Variants in FAT3 observed in about 807,000 individuals in gnomAD.
The protein encoded by FAT3 is protocadherin Fat 3.
In FAT3, 95 loss-of-function variants were observed where a neutral mutation model predicts 310.2. The ratio of observed to expected loss-of-function variants is 0.31; its 90% CI spans 0.26 to 0.36. The LOEUF (loss-of-function observed/expected upper bound fraction) is 0.36, where lower values mean the gene tolerates loss of function less well. FAT3 is among the 10% of genes least tolerant of loss of function. The pLI, the probability that FAT3 is intolerant of heterozygous loss-of-function variation, is 1.00. For synonymous variants in FAT3, 2,314 were observed against 2,192.9 expected (o/e 1.06, Z -1.54); for missense variants, 5,408 against 5,715.6 (o/e 0.95, Z 1.74).
chr11:92,435,468 A>T (rs992966649), intron 2 of FAT3, among the ~76,000 whole-genome samples: 2 of 107,986 alleles, frequency 1.9e-5, no homozygotes, highest in Non-Finnish European at 4.0e-5. Flanking sequence ...TCTTTTATTT[A>T]TCCTTCCTTC....
At chr11:92,614,333 G>T (rs1461358694) in intron 3 of FAT3, among the ~76,000 whole-genome samples, 1 of 152,164 alleles carries the variant, frequency 6.6e-6, no homozygotes, top group Non-Finnish European at 1.5e-5. Context: ...AGACTATTTT[G>T]CAAAGGTGCT....
In FAT3 at chr11:92,800,359, G is replaced by A; in HGVS notation, c.7346G>A (p.Gly2449Glu). 6.2e-7 allele frequency: 1 copy of A among 1,613,980 alleles called. No individual in the cohort carries two copies. Among genetic ancestry groups the A allele is most frequent in the Non-Finnish European group, 8.5e-7 (1 of 1,179,882 alleles). The change falls in exon 10 of 28, where the codon GGA becomes GAA. Residue 2449 changes from glycine (G) to glutamate (E), a missense_variant. By Grantham distance (98) the Gly-to-Glu change is moderately conservative. Coordinates refer to ENST00000525166, the MANE Select transcript of FAT3 (RefSeq NM_001367949.2). ...AGCTTTCTGATGGACAGCAAGAGTG[G>A]AGTTATCACATTGTCCAACCATCGG... ...RTSFLMDSKS[G>E]VITLSNHRKQ...
At chr11:92,469,349 A>G (rs1365940635) in intron 2 of FAT3, among the ~76,000 whole-genome samples, 2 of 152,206 alleles carry the variant, frequency 1.3e-5, no homozygotes, top group East Asian at 3.8e-4. Context: ...GGGCTGATTT[A>G]TAAGCTGATT....
intron 2 of FAT3, among the ~76,000 whole-genome samples, chr11:92,374,893 T>G (rs1363166112): frequency 6.6e-6 from 1 of 152,086 alleles, no homozygotes; most frequent in African/African-American, 2.4e-5. Context: ...GACTTAAAAT[T>G]GAACTGAAGA....
At chr11:92,376,924 T>C (rs1299326768) in intron 2 of FAT3, among the ~76,000 whole-genome samples, 1 of 152,210 alleles carries the variant, frequency 6.6e-6, no homozygotes, top group Admixed American at 6.5e-5. Flanking sequence ...GGTGAAAATT[T>C]CTTTTTATTT....
At chr11:92,775,853 A>G (rs1416608677) in intron 7 of FAT3, among the ~76,000 whole-genome samples, 1 of 152,186 alleles carries the variant, frequency 6.6e-6, no homozygotes, top group Non-Finnish European at 1.5e-5. Flanking sequence ...GATAAATTAT[A>G]TGGTCACCCT....
chr11:92,600,152 T>C (rs915676147), intron 3 of FAT3, among the ~76,000 whole-genome samples: 1 of 152,230 alleles, frequency 6.6e-6, no homozygotes, highest in Non-Finnish European at 1.5e-5. Flanking sequence ...TTCTTAGTTA[T>C]CACTTACTGT....
intron 3 of FAT3, among the ~76,000 whole-genome samples, chr11:92,626,770 G>C (rs946273721): frequency 6.6e-6 from 1 of 152,166 alleles, no homozygotes; most frequent in African/African-American, 2.4e-5. Flanking sequence ...TGAGATGGCT[G>C]TCACAGGGCT....
intron 2 of FAT3, among the ~76,000 whole-genome samples, chr11:92,435,872 G>A (rs529943905): frequency 9.2e-4 from 139 of 151,658 alleles, no homozygotes; most frequent in Non-Finnish European, 1.4e-3. Flanking sequence ...CAGCCTCTTC[G>A]CATTTTCATT....
intron 4 of FAT3, among the ~76,000 whole-genome samples, chr11:92,748,279 TACTC>T (rs1216876766): frequency 2.0e-5 from 3 of 152,050 alleles, no homozygotes; most frequent in African/African-American, 7.2e-5. Context: ...CCATAAGACT[TACTC>T]ACTACCAGGA....
intron 3 of FAT3, among the ~76,000 whole-genome samples, chr11:92,696,022 TA>T (rs1393515321): frequency 1.3e-5 from 2 of 152,294 alleles, no homozygotes; most frequent in South Asian, 2.1e-4. Flanking sequence ...AAAAAAATGA[TA>T]AGTATTGTAG....
chr11:92,821,002 G>C (rs1056318929), intron 13 of FAT3, among the ~76,000 whole-genome samples: 1 of 152,218 alleles, frequency 6.6e-6, no homozygotes, highest in Non-Finnish European at 1.5e-5. Context: ...GTGCATCTGT[G>C]TTGGGAGCAC....
chr11:92,372,614 A>G (rs1344546699), intron 2 of FAT3, among the ~76,000 whole-genome samples: 2 of 152,102 alleles, frequency 1.3e-5, no homozygotes, highest in East Asian at 3.9e-4. Context: ...TAGAACTACA[A>G]AGAGGAAAAG....
intron 24 of FAT3, 25 bp from the exon 25 acceptor site, chr11:92,886,975 G>C: frequency 6.4e-7 from 1 of 1,557,850 alleles, no homozygotes; most frequent in East Asian, 2.3e-5. Flanking sequence ...TGTAATTTCT[G>C]CTTTCTCTTT....
At chr11:92,579,028 A>T (rs964398724) in intron 3 of FAT3, among the ~76,000 whole-genome samples, 3 of 152,146 alleles carry the variant, frequency 2.0e-5, no homozygotes, top group Admixed American at 1.3e-4. Flanking sequence ...AAGACAGTTC[A>T]TTATGAAAAA....
intron 2 of FAT3, among the ~76,000 whole-genome samples, chr11:92,364,199 C>T (rs1278690405): frequency 2.0e-5 from 3 of 152,110 alleles, no homozygotes; most frequent in African/African-American, 7.2e-5. Context: ...ATGCAATCTT[C>T]CTTTTATATT....
At chr11:92,734,963 G>A (rs1052619434) in intron 4 of FAT3, among the ~76,000 whole-genome samples, 4 of 152,112 alleles carry the variant, frequency 2.6e-5, no homozygotes, top group Non-Finnish European at 2.9e-5. Context: ...CTGAACTAAG[G>A]TAGGGGATGG....
intron 11 of FAT3, among the ~76,000 whole-genome samples, chr11:92,805,707 A>T (rs1287441778): frequency 6.6e-6 from 1 of 152,232 alleles, no homozygotes; most frequent in Non-Finnish European, 1.5e-5. Flanking sequence ...TAACTTGTTT[A>T]TATAAGTTTA....
At chr11:92,438,914 AG>A (rs984135905) in intron 2 of FAT3, among the ~76,000 whole-genome samples, 14 of 152,202 alleles carry the variant, frequency 9.2e-5, no homozygotes, top group Admixed American at 5.2e-4. Flanking sequence ...GTACCATGAA[AG>A]GTTTGGCTAC....
Sources: allele counts gnomAD v4.1 joint callset (sites outside exome capture counted in the v4.1 genomes callset), GRCh38; gene constraint gnomAD v4.1.1; transcripts MANE v1.5; gene names NCBI Gene and HGNC (gene_info 2026-07-23, HGNC 2026-07-21).